Variants in CPE observed in about 807,000 individuals in gnomAD.
CPE encodes carboxypeptidase E, also known as carbocypeptidase E.
In CPE, 17 loss-of-function variants were observed where a neutral mutation model predicts 53.5. The ratio of observed to expected loss-of-function variants is 0.32; its 90% CI spans 0.22 to 0.48. CPE has a LOEUF of 0.48. Ranked by LOEUF, CPE falls within the 20% of genes least tolerant of loss-of-function variation. The pLI, the probability that CPE is intolerant of heterozygous loss-of-function variation, is 0.99. For missense variants in CPE, 524 were observed against 614.7 expected, an observed-to-expected ratio of 0.85 and a Z score of 1.56; for synonymous variants, 226 against 228.8, an observed-to-expected ratio of 0.99 and a Z score of 0.11.
Position 165,483,564 on chromosome 4 carries a change from G to A in CPE, c.791-858G>A, listed in dbSNP as rs115659700. On this transcript the variant is annotated intron_variant, in intron 4 of 8. Coordinates refer to ENST00000402744, the MANE Select transcript of CPE (RefSeq NM_001873.4). ...ATTTTTAGTTCTTTGAGAAATCTCT[G>A]TACTGTTCCTCATAGAAGTTATATT... Among the ~76,000 whole-genome samples, 322 of 152,284 alleles carry A rather than the reference G, an allele frequency of 2.1e-3. 1 individual carries two copies. The highest frequency in any genetic ancestry group is 7.3e-3 in the African/African-American group (304 of 41,564).
intron 1 of CPE, among the ~76,000 whole-genome samples, chr4:165,421,861 T>C (rs1416808439): frequency 1.3e-5 from 2 of 152,238 alleles, no homozygotes; most frequent in African/African-American, 2.4e-5. Flanking sequence ...CCTTTTTCTC[T>C]GTTGTTTCCA....
chr4:165,462,483 C>CA (rs34126326), intron 1 of CPE, among the ~76,000 whole-genome samples: 54,427 of 151,842 alleles, frequency 0.36, 10,209 homozygotes, highest in Middle Eastern at 0.45. Context: ...GCAACTTTTT[C>CA]AAAAAAACTT....
At chr4:165,401,419 G>C (rs1730866079) in intron 1 of CPE, among the ~76,000 whole-genome samples, 1 of 152,194 alleles carries the variant, frequency 6.6e-6, no homozygotes, top group Non-Finnish European at 1.5e-5. Context: ...TTGAGCATTG[G>C]AGTGAGACAT....
At position 165,379,494 on chromosome 4, in the gene CPE, C is replaced by T. The variant is rs1194814875; in HGVS notation, c.273C>T (p.Ile91=). Reference sequence around the variant, plus strand: ...TCGAGGGCCGGGAGCTCCTGGTCATCGAGCTGTCCGACAACCCTGGCGTCC... The same window carrying T: ...TCGAGGGCCGGGAGCTCCTGGTCATTGAGCTGTCCGACAACCCTGGCGTCC... The part of the protein sequence containing the change: ...RSFEGRELLV[I]ELSDNPGVHE... Residue 91 remains isoleucine (I), a synonymous_variant, in exon 1 of 9, where the codon ATC becomes ATT. Transcript: ENST00000402744. This position sits in a 1 kb window ranked among gnomAD's most constrained non-coding sequence, Gnocchi z 6.0. The T allele has an allele frequency of 3.1e-6, 5 of 1,600,094 alleles. No individual in the cohort carries two copies. Among genetic ancestry groups the T allele is most frequent in the Admixed American group, 1.7e-5 (1 of 59,460 alleles).
Position 165,379,646 on chromosome 4 carries a change from A to C in CPE, c.307+118A>C. 1.0e-6 allele frequency: 1 copy of C among 995,244 alleles called. No homozygotes were observed. 61.7% of individuals were successfully genotyped at this position (995,244 alleles called of 1,614,324 possible). On this transcript the variant is annotated intron_variant, in intron 1 of 8. Coordinates refer to ENST00000402744, the MANE Select transcript of CPE (RefSeq NM_001873.4). This position sits in a 1 kb window ranked among gnomAD's most constrained non-coding sequence, Gnocchi z 6.0. ...GGGCCCAGGGGTGCCTCTTGGTAAAAGGTATCTAAGGTGGAAGGTGGGAAG... is the reference window on the plus strand; with the variant it reads ...GGGCCCAGGGGTGCCTCTTGGTAAACGGTATCTAAGGTGGAAGGTGGGAAG...
intron 1 of CPE, among the ~76,000 whole-genome samples, chr4:165,453,287 CT>C (rs1235726743): frequency 6.6e-6 from 1 of 151,678 alleles, no homozygotes; most frequent in African/African-American, 2.4e-5. Context: ...TTCTCATTTT[CT>C]TTCCTTCTTT....
chr4:165,416,981 GCTTT>G (rs1160732749), intron 1 of CPE, among the ~76,000 whole-genome samples: 5 of 152,142 alleles, frequency 3.3e-5, no homozygotes, highest in Admixed American at 1.3e-4. Context: ...CTTATGAGAT[GCTTT>G]CTTCACTGTA....
At chr4:165,491,562 TTTGGTTGGCTTATTA>T (rs1732605983) in intron 6 of CPE, among the ~76,000 whole-genome samples, 5 of 152,182 alleles carry the variant, frequency 3.3e-5, no homozygotes, top group African/African-American at 1.2e-4. Flanking sequence ...TCTTTTCAAT[TTTGGTTGGCTTATTA>T]GTTATGGAGA....
At chr4:165,487,291 C>A (rs1006880117) in intron 5 of CPE, 147 bp from the exon 6 acceptor site, 1 of 1,010,922 alleles carries the variant, frequency 9.9e-7, no homozygotes, top group Non-Finnish European at 1.5e-6. Flanking sequence ...TCCCTTACAG[C>A]AGATGATTTC....
chr4:165,400,789 C>T (rs1730852361), intron 1 of CPE, among the ~76,000 whole-genome samples: 1 of 152,182 alleles, frequency 6.6e-6, no homozygotes, highest in Admixed American at 6.5e-5. Context: ...AACACACATT[C>T]ATTCCTGAAC....
chr4:165,422,369 T>TA (rs933672854), intron 1 of CPE, among the ~76,000 whole-genome samples: 4 of 151,992 alleles, frequency 2.6e-5, no homozygotes, highest in Non-Finnish European at 4.4e-5. Flanking sequence ...CTCTTTACAA[T>TA]AAAAAATTGT....
intron 3 of CPE, among the ~76,000 whole-genome samples, chr4:165,470,592 T>G (rs1383950004): frequency 1.3e-5 from 2 of 152,198 alleles, no homozygotes; most frequent in Admixed American, 1.3e-4. Context: ...TGGCACTTGC[T>G]GCAACCAATT....
At chr4:165,491,278 G>T (rs886422784) in intron 6 of CPE, among the ~76,000 whole-genome samples, 8 of 152,204 alleles carry the variant, frequency 5.3e-5, no homozygotes, top group African/African-American at 1.2e-4. Flanking sequence ...ACTTTACAAT[G>T]ATGTGGGAAT....
intron 5 of CPE, among the ~76,000 whole-genome samples, chr4:165,487,046 A>T (rs753678534): frequency 3.9e-5 from 6 of 152,210 alleles, no homozygotes; most frequent in Non-Finnish European, 7.3e-5. Flanking sequence ...AGATCATGTC[A>T]CATGAAGCTC....
chr4:165,462,024 T>C (rs1250806100), intron 1 of CPE, among the ~76,000 whole-genome samples: 1 of 152,224 alleles, frequency 6.6e-6, no homozygotes, highest in African/African-American at 2.4e-5. Flanking sequence ...ACCTAAAGCA[T>C]TGTTATTGTC....
At chr4:165,471,909 C>T (rs1732214110) in intron 3 of CPE, among the ~76,000 whole-genome samples, 1 of 152,160 alleles carries the variant, frequency 6.6e-6, no homozygotes, top group Non-Finnish European at 1.5e-5. Flanking sequence ...TCCAATTGTG[C>T]CTTGTTGCAA....
At chr4:165,415,185 C>T (rs1250165877) in intron 1 of CPE, 1 of 166,970 alleles carries the variant, frequency 6.0e-6, no homozygotes, top group Non-Finnish European at 1.5e-5. Context: ...GGAGAATGAT[C>T]TTTACAGGAT....
intron 1 of CPE, chr4:165,404,517 C>CT: frequency 1.2e-6 from 1 of 835,838 alleles, no homozygotes; most frequent in Non-Finnish European, 2.1e-6. Flanking sequence ...TCTGGGTTTC[C>CT]ACCTCCAAAC....
intron 1 of CPE, among the ~76,000 whole-genome samples, chr4:165,411,419 C>A (rs1371072793): frequency 1.3e-5 from 2 of 152,132 alleles, no homozygotes; most frequent in African/African-American, 4.8e-5. Context: ...TGTCATTCCA[C>A]AGAGCTCACA....
Sources: gnomAD v4.1 joint callset for allele counts (sites outside exome capture counted in the v4.1 genomes callset) on GRCh38, gnomAD v4.1.1 for gene constraint, Gnocchi (gnomAD v3.1) non-coding constraint, MANE v1.5 for transcripts, NCBI Gene and HGNC (gene_info 2026-07-23, HGNC 2026-07-21) for gene names.